Variants in RABGAP1 observed in about 807,000 individuals in gnomAD.
RABGAP1 encodes the protein rab GTPase-activating protein 1.
RABGAP1 carries 23 observed loss-of-function variants against 137.6 expected under a neutral mutation model. The observed-to-expected ratio is 0.17, with a 90% CI of 0.12 to 0.24. The LOEUF is 0.24. RABGAP1 is among the 10% of genes least tolerant of loss of function. The pLI is 1.00. For missense variants in RABGAP1, 906 were observed against 1,275.8 expected (o/e 0.71, Z 4.42); for synonymous variants, 451 against 450.7 (o/e 1.00, Z -0.01).
intron 1 of RABGAP1, among the ~76,000 whole-genome samples, chr9:122,952,002 G>C (rs1169664252): frequency 2.6e-5 from 4 of 152,186 alleles, no homozygotes; most frequent in Admixed American, 6.5e-5. Flanking sequence ...TGGTATACGG[G>C]ACTAATTTGC....
chr9:123,045,175 T>G (rs573765005), intron 13 of RABGAP1, among the ~76,000 whole-genome samples: 1 of 152,326 alleles, frequency 6.6e-6, no homozygotes, highest in East Asian at 1.9e-4. Flanking sequence ...ACTTACTGAG[T>G]TGAATTGTTA....
intron 1 of RABGAP1, among the ~76,000 whole-genome samples, chr9:122,948,554 A>G (rs1564350806): frequency 1.3e-5 from 2 of 152,192 alleles, no homozygotes; most frequent in Admixed American, 6.5e-5. Flanking sequence ...TTGACACTCA[A>G]GAAGTAATAA....
At chr9:123,088,169 G>C (rs2034926704) in intron 19 of RABGAP1, among the ~76,000 whole-genome samples, 1 of 151,796 alleles carries the variant, frequency 6.6e-6, no homozygotes. Context: ...TCCCACCTCA[G>C]CCTCCAGAGT....
intron 13 of RABGAP1, among the ~76,000 whole-genome samples, chr9:123,057,528 G>A (rs1189340518): frequency 4.0e-5 from 6 of 148,746 alleles, no homozygotes; most frequent in African/African-American, 1.5e-4. Context: ...CACTTCCTAG[G>A]TGGGATGGCG....
chr9:123,045,078 A>G (rs2033148317), intron 13 of RABGAP1, among the ~76,000 whole-genome samples: 1 of 152,234 alleles, frequency 6.6e-6, no homozygotes, highest in Non-Finnish European at 1.5e-5. Flanking sequence ...TTGTTACAAA[A>G]CGACTGAATT....
At chr9:123,061,033 A>G (rs2033951165) in intron 13 of RABGAP1, among the ~76,000 whole-genome samples, 1 of 152,226 alleles carries the variant, frequency 6.6e-6, no homozygotes, top group African/African-American at 2.4e-5. Flanking sequence ...ACTGTGTTGT[A>G]GTATACTTAT....
At chr9:122,946,990 T>C (rs1032780843) in intron 1 of RABGAP1, among the ~76,000 whole-genome samples, 1 of 152,146 alleles carries the variant, frequency 6.6e-6, no homozygotes, top group African/African-American at 2.4e-5. Context: ...ATTAAGTAGC[T>C]TATCCTCAGA....
intron 2 of RABGAP1, among the ~76,000 whole-genome samples, chr9:122,958,287 T>C (rs1275557760): frequency 6.6e-6 from 1 of 152,196 alleles, no homozygotes; most frequent in Non-Finnish European, 1.5e-5. Context: ...GCTGGGGCTG[T>C]GGAGAAGCTG....
At chr9:123,102,672 T>C (rs901153946) in intron 25 of RABGAP1, among the ~76,000 whole-genome samples, 1 of 151,756 alleles carries the variant, frequency 6.6e-6, no homozygotes, top group African/African-American at 2.4e-5. Context: ...CCCTCAGGAG[T>C]TCTTTCCTTG....
chr9:123,018,930 T>C (rs967351902), intron 12 of RABGAP1, among the ~76,000 whole-genome samples: 2 of 152,204 alleles, frequency 1.3e-5, no homozygotes, highest in African/African-American at 4.8e-5. Flanking sequence ...ACAAACCAGC[T>C]GCTCTATAAC....
At chr9:123,021,428 ATTG>A (rs989023890) in intron 13 of RABGAP1, among the ~76,000 whole-genome samples, 7 of 151,510 alleles carry the variant, frequency 4.6e-5, no homozygotes, top group South Asian at 2.1e-4. Flanking sequence ...GCTTTAAGCA[ATTG>A]TTGTGCCTCC....
At chr9:123,099,638 CA>C (rs1252314763) in intron 24 of RABGAP1, 89 bp downstream of exon 24, 14 of 1,141,130 alleles carry the variant, frequency 1.2e-5, no homozygotes, top group Non-Finnish European at 1.8e-5. Flanking sequence ...CAGTTGATTT[CA>C]AAAGTGAGAG....
chr9:123,072,567 T>C (rs985680711), intron 15 of RABGAP1, among the ~76,000 whole-genome samples: 2 of 152,174 alleles, frequency 1.3e-5, no homozygotes, highest in South Asian at 4.1e-4. Context: ...TGAGGGGAGA[T>C]GGGCTACTTA....
Position 123,034,697 on chromosome 9 carries a change from CT to C in RABGAP1, c.1794+14239del, listed in dbSNP as rs759583338. 8 of 1,613,190 alleles carry C rather than the reference CT, an allele frequency of 5.0e-6. No homozygotes were observed. In the East Asian group the frequency reaches 1.8e-4, roughly 36 times the overall value. The stretch of plus-strand genomic sequence containing the variant: ...GTCTTTCTAACTGTATTGATTATTT[CT>C]GGCAACATCATTGTGATTTTTGTAT... On this transcript the variant is annotated intron_variant, in intron 13 of 25. Transcript: ENST00000373647.
intron 2 of RABGAP1, among the ~76,000 whole-genome samples, chr9:122,969,604 G>C (rs1484090784): frequency 6.6e-6 from 1 of 151,350 alleles, no homozygotes; most frequent in Non-Finnish European, 1.5e-5. Flanking sequence ...TTGAAACCTT[G>C]TATCGTTTCT....
At chr9:123,042,822 A>T (rs633222) in intron 13 of RABGAP1, among the ~76,000 whole-genome samples, 94,968 of 152,156 alleles carry the variant, frequency 0.62, 36,805 homozygotes, top group Non-Finnish European at 0.86. Flanking sequence ...TCATAATGAA[A>T]AGGCCCATTT....
intron 13 of RABGAP1, among the ~76,000 whole-genome samples, chr9:123,021,311 C>T (rs2539931): frequency 0.63 from 90,314 of 143,330 alleles, 35,398 homozygotes; most frequent in Non-Finnish European, 0.87. Flanking sequence ...AAAAAAAAAC[C>T]TTATAAGGGA....
chr9:123,027,703 C>T (rs924751285), intron 13 of RABGAP1, among the ~76,000 whole-genome samples: 1 of 152,186 alleles, frequency 6.6e-6, no homozygotes, highest in Non-Finnish European at 1.5e-5. Flanking sequence ...TTCATTTCCT[C>T]TTCTCTGAAC....
At chr9:123,027,108 CTTTTTTTT>C (rs71388345) in intron 13 of RABGAP1, among the ~76,000 whole-genome samples, 63 of 100,096 alleles carry the variant, frequency 6.3e-4, no homozygotes, top group African/African-American at 1.8e-3. Flanking sequence ...TCTTTCTTTT[CTTTTTTTT>C]TTTTTTTTTT....
Sources: gnomAD v4.1 joint callset for allele counts (sites outside exome capture counted in the v4.1 genomes callset) on GRCh38, gnomAD v4.1.1 for gene constraint, MANE v1.5 for transcripts, NCBI Gene and HGNC (gene_info 2026-07-23, HGNC 2026-07-21) for gene names.